Variants in GATAD2B observed in about 807,000 individuals in gnomAD.
GATAD2B encodes the protein transcriptional repressor p66-beta.
A neutral mutation model predicts 64.3 loss-of-function variants in GATAD2B; 8 were observed. The observed-to-expected ratio is 0.12, with a 90% CI of 0.07 to 0.22. The LOEUF is 0.22. Among genes scored for constraint, GATAD2B ranks in the 10% least tolerant of loss-of-function variants. GATAD2B has a pLI of 1.00. For missense variants in GATAD2B, 453 were observed against 752.0 expected (o/e 0.60, Z 4.65); for synonymous variants, 281 against 271.3 (o/e 1.04, Z -0.35).
chr1:153,859,564 G>C (rs529811337), intron 1 of GATAD2B, among the ~76,000 whole-genome samples: 1 of 151,492 alleles, frequency 6.6e-6, no homozygotes, highest in Non-Finnish European at 1.5e-5. Context: ...CAGCTGCTCG[G>C]GAGGCTGAGA....
At chr1:153,881,583 G>A (rs1677012177) in intron 1 of GATAD2B, among the ~76,000 whole-genome samples, 1 of 152,102 alleles carries the variant, frequency 6.6e-6, no homozygotes, top group African/African-American at 2.4e-5. Flanking sequence ...AAAACTACTA[G>A]AAAGAACTCA....
chr1:153,911,158 T>C (rs1300334040), intron 1 of GATAD2B, among the ~76,000 whole-genome samples: 2 of 152,158 alleles, frequency 1.3e-5, no homozygotes, highest in African/African-American at 4.8e-5. Context: ...GGAGAAAAGC[T>C]TTCAAGAAAT....
chr1:153,851,912 G>T (rs944238989), intron 1 of GATAD2B, among the ~76,000 whole-genome samples: 1 of 152,176 alleles, frequency 6.6e-6, no homozygotes, highest in East Asian at 1.9e-4. Context: ...TTCTTACCAG[G>T]TGAACAGAAA....
At chr1:153,859,907 CTTTTTTTTTTTTTTTT>C (rs34557576) in intron 1 of GATAD2B, among the ~76,000 whole-genome samples, 1 of 60,876 alleles carries the variant, frequency 1.6e-5, no homozygotes, top group Non-Finnish European at 2.8e-5. Context: ...CTTTTCTTTT[CTTTTTTTTTTTTTTTT>C]TTTTTTTTTT....
rs1674182903 is a variant in GATAD2B at position 153,808,729 on chromosome 1, A to T, written c.*1448T>A. On this transcript the variant is annotated 3_prime_UTR_variant, in exon 11 of 11. Coordinates refer to ENST00000368655, the MANE Select transcript of GATAD2B (RefSeq NM_020699.4). ...TCTTCCCACAGTGTGGGCAAATGGG[A>T]TGCTAATCTCCCCAGTCCCCAGAAC... The T allele has an allele frequency of 6.9e-6, 1 of 145,722 alleles. No homozygotes were observed. Among genetic ancestry groups the T allele is most frequent in the South Asian group, 2.3e-4 (1 of 4,324 alleles). The allele number at this position is 145,722 out of a possible 1,614,324, so 9.0% of individuals were successfully genotyped here.
Position 153,810,118 on chromosome 1 carries a change from G to A in GATAD2B, c.*59C>T. ...GCACTGCATGCGACAGAAGTTGGGG[G>A]AATGAAAGAGGAAAGGGATAAAGGA... On this transcript the variant is annotated 3_prime_UTR_variant, in exon 11 of 11. Coordinates refer to ENST00000368655, the MANE Select transcript of GATAD2B (RefSeq NM_020699.4). The A allele has an allele frequency of 6.6e-7, 1 of 1,526,160 alleles. No homozygotes were observed. The highest frequency in any genetic ancestry group is 8.9e-7 in the Non-Finnish European group (1 of 1,122,870). 94.5% of individuals were successfully genotyped at this position (1,526,160 alleles called of 1,614,324 possible).
intron 1 of GATAD2B, among the ~76,000 whole-genome samples, chr1:153,876,291 G>A (rs1466695102): frequency 1.4e-5 from 2 of 144,482 alleles, no homozygotes; most frequent in South Asian, 2.3e-4. Flanking sequence ...GCTGGGCGTG[G>A]TTAAAACACA....
At chr1:153,820,974 ATTTTTTTTTTTTTTTTT>A (rs869096882) in intron 2 of GATAD2B, among the ~76,000 whole-genome samples, 2 of 50,840 alleles carry the variant, frequency 3.9e-5, no homozygotes, top group Admixed American at 3.3e-4. Context: ...GGCACATGGA[ATTTTTTTTTTTTTTTTT>A]TTTTTTTTTT....
chr1:153,859,237 T>A (rs1262240180), intron 1 of GATAD2B, among the ~76,000 whole-genome samples: 1 of 149,400 alleles, frequency 6.7e-6, no homozygotes, highest in Non-Finnish European at 1.5e-5. Flanking sequence ...TGTGGTGGAG[T>A]GTGCCTGTTG....
At chr1:153,812,000 G>T (rs763182091) in intron 9 of GATAD2B, 22 bp downstream of exon 9, 1 of 1,451,170 alleles carries the variant, frequency 6.9e-7, no homozygotes, top group Non-Finnish European at 9.7e-7. Context: ...AAGAAATCAG[G>T]ATCAGGCAAA....
chr1:153,899,508 A>C (rs1401644154), intron 1 of GATAD2B, among the ~76,000 whole-genome samples: 1 of 151,492 alleles, frequency 6.6e-6, no homozygotes, highest in African/African-American at 2.4e-5. Context: ...TGGAGGTTGC[A>C]GTGAGCCCAA....
At chr1:153,899,522 C>T (rs1432197891) in intron 1 of GATAD2B, among the ~76,000 whole-genome samples, 1 of 150,250 alleles carries the variant, frequency 6.7e-6, no homozygotes, top group East Asian at 2.0e-4. Flanking sequence ...AGCCCAAGAT[C>T]GCGCCATTGC....
chr1:153,812,521 G>A (rs967690632), intron 8 of GATAD2B, among the ~76,000 whole-genome samples: 1 of 152,186 alleles, frequency 6.6e-6, no homozygotes, highest in African/African-American at 2.4e-5. Context: ...GCTCTAAGAA[G>A]TTGGCTGGAG....
At chr1:153,866,528 A>G (rs1676481259) in intron 1 of GATAD2B, among the ~76,000 whole-genome samples, 5 of 152,152 alleles carry the variant, frequency 3.3e-5, no homozygotes, top group Admixed American at 2.6e-4. Flanking sequence ...ACCTGCCCTA[A>G]TGCAAACCAG....
At chr1:153,888,973 CT>C (rs1405684576) in intron 1 of GATAD2B, among the ~76,000 whole-genome samples, 1 of 152,114 alleles carries the variant, frequency 6.6e-6, no homozygotes, top group African/African-American at 2.4e-5. Context: ...TCTACTCAAT[CT>C]CTGACTTAAG....
At chr1:153,834,159 C>T (rs996277834) in intron 1 of GATAD2B, among the ~76,000 whole-genome samples, 3 of 151,750 alleles carry the variant, frequency 2.0e-5, no homozygotes, top group East Asian at 3.9e-4. Flanking sequence ...CCCACCACCA[C>T]GCCCAGCTAA....
intron 1 of GATAD2B, among the ~76,000 whole-genome samples, chr1:153,886,801 C>T (rs926951676): frequency 1.3e-5 from 2 of 151,854 alleles, no homozygotes; most frequent in African/African-American, 4.8e-5. Context: ...CCTCATGATC[C>T]GCCCACCTCA....
In GATAD2B at chr1:153,813,428, C is replaced by A. The variant is rs1057521041; in HGVS notation, c.1241G>T (p.Arg414Leu). 6.2e-7 allele frequency: 1 copy of A among 1,613,864 alleles called. No individual in the cohort carries two copies. Among genetic ancestry groups the A allele is most frequent in the Non-Finnish European group, 8.5e-7 (1 of 1,179,912 alleles). ...CTGGGCACATACAAAGGGTTCAACC[C>A]GCAGAAGTGAGGCACAGCTTTTGCC... is the stretch of plus-strand genomic sequence containing the variant. ...SQGKSCASLL[R>L]VEPFVCAQCR... Residue 414 changes from arginine (R) to leucine (L), a missense_variant, in exon 8 of 11, where the codon CGG becomes CTG. Arg to Leu is a moderately radical substitution (Grantham distance 102, BLOSUM62 -2). Around this residue, in one of 2 missense-constraint regions of GATAD2B, gnomAD observed 160 missense variants for 334.7 expected, o/e 0.48. Coordinates refer to ENST00000368655, the MANE Select transcript of GATAD2B (RefSeq NM_020699.4).
Position 153,852,605 on chromosome 1 carries a change from A to G in GATAD2B, c.-1-24257T>C, listed in dbSNP as rs576715646. The G allele has an allele frequency of 8.9e-6, 7 of 783,838 alleles. No homozygotes were observed. The South Asian group carries it at 9.4e-5, about 10-fold the overall frequency. 48.6% of individuals were successfully genotyped at this position (783,838 alleles called of 1,614,324 possible). On this transcript the variant is annotated intron_variant, in intron 1 of 10. Coordinates refer to ENST00000368655, the MANE Select transcript of GATAD2B (RefSeq NM_020699.4). The stretch of plus-strand genomic sequence containing the variant: ...CATCCTGAATTTTCTGATTGGCACT[A>G]TGCACACTCTTCCTGGCAAATTCAA...
Sources: gnomAD v4.1 joint callset for allele counts (sites outside exome capture counted in the v4.1 genomes callset) on GRCh38, gnomAD v4.1.1 for gene constraint, gnomAD v4.1.1 regional missense constraint, MANE v1.5 for transcripts, NCBI Gene and HGNC (gene_info 2026-07-23, HGNC 2026-07-21) for gene names.